CEP89: variants seen among roughly 807,000 people sequenced by gnomAD.
CEP89 encodes the protein centrosomal protein of 89 kDa.
In CEP89, 95 loss-of-function variants were observed where a neutral mutation model predicts 97.6. The observed-to-expected ratio is 0.97, with a 90% CI of 0.82 to 1.15. The LOEUF is 1.15. Ranked by LOEUF, CEP89 falls within the 50% of genes most tolerant of loss-of-function variation. The pLI is 0.00. For synonymous variants in CEP89, 354 were observed against 349.1 expected (o/e 1.01, Z -0.16); for missense variants, 869 against 947.7 (o/e 0.92, Z 1.09).
intron 2 of CEP89, chr19:32,963,453 CA>C (rs1971211465): frequency 1.3e-5 from 2 of 152,116 alleles, no homozygotes; most frequent in Admixed American, 6.5e-5. Context: ...AAAAACTGAC[CA>C]AGACAACCCC....
At chr19:32,940,673 C>T (rs1436181935) in intron 5 of CEP89, among the ~76,000 whole-genome samples, 1 of 152,190 alleles carries the variant, frequency 6.6e-6, no homozygotes, top group African/African-American at 2.4e-5. Context: ...ATCTTCCACA[C>T]ATCTGTAATC....
At chr19:32,887,457 G>A (rs879286602) in intron 17 of CEP89, among the ~76,000 whole-genome samples, 1 of 151,990 alleles carries the variant, frequency 6.6e-6, no homozygotes, top group African/African-American at 2.4e-5. Context: ...GACCTCAAGC[G>A]ATCCTCCTGG....
chr19:32,919,722 T>C (rs541172495), intron 12 of CEP89, among the ~76,000 whole-genome samples: 1 of 152,352 alleles, frequency 6.6e-6, no homozygotes, highest in African/African-American at 2.4e-5. Context: ...TGGAGTGCAG[T>C]GGTGAAATCT....
At chr19:32,956,952 T>A (rs1162026036) in intron 3 of CEP89, among the ~76,000 whole-genome samples, 2 of 152,222 alleles carry the variant, frequency 1.3e-5, no homozygotes, top group African/African-American at 4.8e-5. Context: ...TATTTTAGTG[T>A]ATGACTTAGG....
chr19:32,898,332 A>G (rs1969686238), intron 16 of CEP89, among the ~76,000 whole-genome samples: 1 of 151,934 alleles, frequency 6.6e-6, no homozygotes, highest in Non-Finnish European at 1.5e-5. Context: ...AAAAAAGTTG[A>G]CCTCATGGAG....
At chr19:32,902,579 G>A (rs1448607558) in intron 14 of CEP89, among the ~76,000 whole-genome samples, 4 of 152,172 alleles carry the variant, frequency 2.6e-5, no homozygotes, top group African/African-American at 7.2e-5. Flanking sequence ...GACAACAGGC[G>A]AGGCAGGACT....
intron 16 of CEP89, among the ~76,000 whole-genome samples, chr19:32,891,968 T>C (rs1166286188): frequency 2.6e-5 from 4 of 151,220 alleles, no homozygotes; most frequent in African/African-American, 4.8e-5. Context: ...ACAAAATAAG[T>C]TGAAAACTTC....
At chr19:32,897,250 C>G (rs1969662528) in intron 16 of CEP89, among the ~76,000 whole-genome samples, 1 of 152,178 alleles carries the variant, frequency 6.6e-6, no homozygotes, top group African/African-American at 2.4e-5. Flanking sequence ...TTACAACAAT[C>G]TAATTAGTTG....
chr19:32,960,625 C>T (rs554982380), intron 2 of CEP89, among the ~76,000 whole-genome samples: 52 of 151,896 alleles, frequency 3.4e-4, no homozygotes, highest in African/African-American at 1.0e-3. Context: ...CTGGCTAACA[C>T]GGTGAAACCT....
intron 9 of CEP89, among the ~76,000 whole-genome samples, chr19:32,929,559 G>A (rs35099824): frequency 0.2 from 30,041 of 151,664 alleles, 3,064 homozygotes; most frequent in African/African-American, 0.23. Flanking sequence ...CTGAGATTGT[G>A]CATGCTGCAC....
chr19:32,888,053 C>G (rs557630349), intron 16 of CEP89, among the ~76,000 whole-genome samples: 1 of 152,148 alleles, frequency 6.6e-6, no homozygotes, highest in Non-Finnish European at 1.5e-5. Flanking sequence ...GTGCCCTGCT[C>G]GACACAAAGA....
At chr19:32,961,578 CAAAA>C (rs1193124918) in intron 2 of CEP89, among the ~76,000 whole-genome samples, 1 of 62,306 alleles carries the variant, frequency 1.6e-5, no homozygotes, top group African/African-American at 6.2e-5. Flanking sequence ...GACTCCATCT[CAAAA>C]AAAAAAAAAA....
chr19:32,939,950 A>G, intron 5 of CEP89, 65 bp from the exon 6 acceptor site: 1 of 776,486 alleles, frequency 1.3e-6, no homozygotes, highest in Non-Finnish European at 2.2e-6. Flanking sequence ...CAACTCAGAA[A>G]GTACAATCAT....
chr19:32,921,876 T>A lies in CEP89; in HGVS notation c.1268+1563A>T, dbSNP rs149493891. Among the ~76,000 whole-genome samples, 445 of 152,326 alleles carry A rather than the reference T, an allele frequency of 2.9e-3. 2 individuals carry two copies. The highest frequency in any genetic ancestry group is 0.01 in the African/African-American group (421 of 41,580). On this transcript the variant is annotated intron_variant, in intron 12 of 18. Coordinates refer to ENST00000305768, the MANE Select transcript of CEP89 (RefSeq NM_032816.5). ...AATCAGGGAGAGCCAATGGTAAGAA[T>A]GCTGTTGACTCAATTCCAGATTTCT...
intron 1 of CEP89, among the ~76,000 whole-genome samples, chr19:32,966,671 G>C (rs1305270884): frequency 9.2e-5 from 14 of 152,108 alleles, no homozygotes; most frequent in African/African-American, 3.4e-4. Context: ...CATGATAGCT[G>C]CTCATTGTGT....
At chr19:32,944,543 T>C (rs1290150006) in intron 5 of CEP89, among the ~76,000 whole-genome samples, 1 of 151,974 alleles carries the variant, frequency 6.6e-6, no homozygotes, top group Admixed American at 6.6e-5. Context: ...AGGTCTCTGG[T>C]CCAGTGGTGC....
chr19:32,968,008 A>T (rs1161294444), intron 1 of CEP89, among the ~76,000 whole-genome samples: 12 of 152,276 alleles, frequency 7.9e-5, no homozygotes. Flanking sequence ...AGGGTGGCAC[A>T]GAGTGGGGGC....
At chr19:32,923,316 A>C (rs574009488) in intron 12 of CEP89, 123 bp downstream of exon 12, 2 of 525,880 alleles carry the variant, frequency 3.8e-6, no homozygotes, top group Non-Finnish European at 6.8e-6. Context: ...TTAATTTCTT[A>C]GAAACTCTCC....
rs142977954 is a variant in CEP89 at position 32,971,373 on chromosome 19, G to A, written c.39+463C>T. 7.1e-4 allele frequency: 302 copies of A among 424,416 alleles called. 2 individuals carry two copies. In the East Asian group the frequency reaches 0.01, roughly 14 times the overall value. The allele number at this position is 424,416 out of a possible 1,614,324, so 26.3% of individuals were successfully genotyped here. ...AGGGTGCTCCTGTCCAACTGTGGCCGACCCTGGGGCAGAAGATTGTTAACG... is the reference window on the plus strand; with the variant it reads ...AGGGTGCTCCTGTCCAACTGTGGCCAACCCTGGGGCAGAAGATTGTTAACG... On this transcript the variant is annotated intron_variant, in intron 1 of 18. Coordinates refer to ENST00000305768, the MANE Select transcript of CEP89 (RefSeq NM_032816.5).
Sources: allele counts gnomAD v4.1 joint callset (sites outside exome capture counted in the v4.1 genomes callset), GRCh38; gene constraint gnomAD v4.1.1; transcripts MANE v1.5; gene names NCBI Gene and HGNC (gene_info 2026-07-23, HGNC 2026-07-21).